UVRAG: variants seen among roughly 807,000 people sequenced by gnomAD.
UVRAG encodes UV radiation resistance-associated gene protein.
UVRAG carries 19 observed loss-of-function variants against 78.0 expected under a neutral mutation model. That is an observed-to-expected ratio of 0.24 (90% CI 0.17 to 0.36). The LOEUF (loss-of-function observed/expected upper bound fraction) is 0.36. Among genes scored for constraint, UVRAG ranks in the 10% least tolerant of loss-of-function variants. The pLI, the probability that UVRAG is intolerant of heterozygous loss-of-function variation, is 1.00. For synonymous variants in UVRAG, 323 were observed against 324.6 expected (o/e 1.00, Z 0.05); for missense variants, 740 against 853.8 (o/e 0.87, Z 1.66).
chr11:75,995,622 A>G (rs1031084911), intron 8 of UVRAG, among the ~76,000 whole-genome samples: 6 of 151,990 alleles, frequency 3.9e-5, no homozygotes, highest in African/African-American at 1.2e-4. Context: ...TAAAAGAAGA[A>G]TCACACAGTA....
chr11:76,004,072 G>C lies in UVRAG; in HGVS notation c.894G>C (p.Lys298Asn). 4 of 1,613,896 alleles carry C rather than the reference G, an allele frequency of 2.5e-6. No homozygotes were observed. Among genetic ancestry groups the C allele is most frequent in the South Asian group, 1.1e-5 (1 of 91,066 alleles). The change falls in exon 9 of 15, where the codon AAG becomes AAC. Residue 298 changes from lysine (K) to asparagine (N), a missense_variant. Coordinates refer to ENST00000356136, the MANE Select transcript of UVRAG (RefSeq NM_003369.4). ...AGGAATCCCTAAATGAGCTGAGGAAGGAGTGCACTGCAAAAAGGTAAATGC... is the reference window on the plus strand; with the variant it reads ...AGGAATCCCTAAATGAGCTGAGGAACGAGTGCACTGCAAAAAGGTAAATGC... ...LQKESLNELR[K>N]ECTAKRELFL...
intron 1 of UVRAG, among the ~76,000 whole-genome samples, chr11:75,842,326 T>C (rs1055786434): frequency 6.6e-6 from 1 of 152,184 alleles, no homozygotes; most frequent in African/African-American, 2.4e-5. Flanking sequence ...GGTCACAAGG[T>C]GGAATATTTA....
intron 3 of UVRAG, among the ~76,000 whole-genome samples, chr11:75,877,905 CG>C (rs1422182629): frequency 9.1e-4 from 131 of 143,240 alleles, no homozygotes; most frequent in Non-Finnish European, 1.8e-3. Context: ...GCTGGCCTGG[CG>C]GGGGGCTGAC....
intron 13 of UVRAG, among the ~76,000 whole-genome samples, chr11:76,102,374 G>A (rs1416975956): frequency 6.6e-6 from 1 of 152,074 alleles, no homozygotes; most frequent in African/African-American, 2.4e-5. Context: ...TTAGCTCTTG[G>A]TTTGGCTGTT....
At chr11:75,971,194 C>T (rs1445823066) in intron 7 of UVRAG, among the ~76,000 whole-genome samples, 1 of 152,172 alleles carries the variant, frequency 6.6e-6, no homozygotes, top group African/African-American at 2.4e-5. Flanking sequence ...CATTTTGTTT[C>T]ATCACTGAAT....
chr11:75,860,019 A>G (rs1260140501), intron 2 of UVRAG, among the ~76,000 whole-genome samples: 2 of 152,244 alleles, frequency 1.3e-5, no homozygotes, highest in African/African-American at 4.8e-5. Context: ...ATCTCAGCTC[A>G]CTGCAACCTC....
chr11:75,894,583 A>G (rs1947297962), intron 5 of UVRAG, among the ~76,000 whole-genome samples: 1 of 151,988 alleles, frequency 6.6e-6, no homozygotes, highest in African/African-American at 2.4e-5. Context: ...CAGAGGGCTG[A>G]GTGTGTTGGC....
rs867538573 is a variant in UVRAG at position 75,949,716 on chromosome 11, C to T, written c.594-11728C>T. Among the ~76,000 whole-genome samples, 244 of 129,482 alleles carry T rather than the reference C, an allele frequency of 1.9e-3. 3 individuals are homozygous for T. In the South Asian group the frequency reaches 0.024, roughly 13 times the overall value. The allele number at this position is 129,482 out of a possible 152,430, so 84.9% of individuals were successfully genotyped here. Reference sequence around the variant, plus strand: ...ACATATATATATATATATATATATACACACACACACACACATATACACATA... The same window carrying T: ...ACATATATATATATATATATATATATACACACACACACACATATACACATA... On this transcript the variant is annotated intron_variant, in intron 6 of 14. Transcript: ENST00000356136.
At chr11:75,978,177 C>T (rs1369703594) in intron 7 of UVRAG, among the ~76,000 whole-genome samples, 4 of 152,024 alleles carry the variant, frequency 2.6e-5, no homozygotes, top group Non-Finnish European at 5.9e-5. Flanking sequence ...TCTTTTCTTT[C>T]AGAATGTTGA....
chr11:75,819,096 G>T (rs890593247), intron 1 of UVRAG, among the ~76,000 whole-genome samples: 2 of 152,158 alleles, frequency 1.3e-5, no homozygotes, highest in African/African-American at 4.8e-5. Context: ...GAGTATCCTT[G>T]TTATTATTGA....
chr11:75,872,780 A>G (rs1946683044), intron 3 of UVRAG, among the ~76,000 whole-genome samples: 1 of 152,196 alleles, frequency 6.6e-6, no homozygotes, highest in African/African-American at 2.4e-5. Context: ...GTGACTTAAT[A>G]ATTCTTAGCA....
At chr11:76,047,368 G>A (rs1950779357) in intron 12 of UVRAG, among the ~76,000 whole-genome samples, 1 of 152,172 alleles carries the variant, frequency 6.6e-6, no homozygotes, top group Non-Finnish European at 1.5e-5. Flanking sequence ...GTGGGAGGCT[G>A]TTTTGACTTC....
At chr11:75,997,050 A>G (rs929058610) in intron 8 of UVRAG, among the ~76,000 whole-genome samples, 1 of 152,236 alleles carries the variant, frequency 6.6e-6, no homozygotes, top group Non-Finnish European at 1.5e-5. Flanking sequence ...AATATATTAA[A>G]TATCATAATG....
chr11:75,954,391 T>C (rs955364442), intron 6 of UVRAG, among the ~76,000 whole-genome samples: 1 of 152,222 alleles, frequency 6.6e-6, no homozygotes, highest in Non-Finnish European at 1.5e-5. Flanking sequence ...GGCCCTTTCC[T>C]ACTTTTAAAG....
intron 13 of UVRAG, among the ~76,000 whole-genome samples, chr11:76,098,636 T>G (rs1708221285): frequency 6.6e-6 from 1 of 152,210 alleles, no homozygotes; most frequent in Non-Finnish European, 1.5e-5. Context: ...AAAAGCTGAT[T>G]GATTTGATGG....
intron 5 of UVRAG, among the ~76,000 whole-genome samples, chr11:75,896,915 C>T (rs1414385662): frequency 6.6e-6 from 1 of 152,150 alleles, no homozygotes; most frequent in African/African-American, 2.4e-5. Context: ...AGACAAATCT[C>T]TAAAGATTAA....
intron 11 of UVRAG, among the ~76,000 whole-genome samples, chr11:76,009,713 C>T (rs1402568326): frequency 2.6e-5 from 4 of 152,148 alleles, no homozygotes; most frequent in African/African-American, 9.7e-5. Context: ...GGGCCCTTAC[C>T]TGTAAGTACT....
intron 3 of UVRAG, among the ~76,000 whole-genome samples, chr11:75,871,024 C>T (rs1196975739): frequency 6.6e-6 from 1 of 151,938 alleles, no homozygotes; most frequent in Non-Finnish European, 1.5e-5. Flanking sequence ...CATGTGCCAC[C>T]ATGCCTGGCT....
At chr11:75,984,853 G>C (rs948404882) in intron 8 of UVRAG, among the ~76,000 whole-genome samples, 9 of 152,156 alleles carry the variant, frequency 5.9e-5, no homozygotes, top group African/African-American at 2.2e-4. Context: ...CATTATATAA[G>C]TGTGAATTTA....
Sources: allele counts gnomAD v4.1 joint callset (sites outside exome capture counted in the v4.1 genomes callset), GRCh38; gene constraint gnomAD v4.1.1; transcripts MANE v1.5; gene names NCBI Gene and HGNC (gene_info 2026-07-23, HGNC 2026-07-21).